CAMTA1: variants seen among roughly 807,000 people sequenced by gnomAD.
The protein encoded by CAMTA1 is calmodulin binding transcription activator 1.
In CAMTA1, 27 loss-of-function variants were observed where a neutral mutation model predicts 170.9. That is an observed-to-expected ratio of 0.16 (90% confidence interval 0.12 to 0.22). The LOEUF (loss-of-function observed/expected upper bound fraction) is 0.22, where lower values mean the gene tolerates loss of function less well. Among genes scored for constraint, CAMTA1 ranks in the 10% least tolerant of loss-of-function variants. The pLI, the probability that CAMTA1 is intolerant of heterozygous loss-of-function variation, is 1.00. For synonymous variants in CAMTA1, 833 were observed against 891.5 expected, an observed-to-expected ratio of 0.93 and a Z score of 1.17; for missense variants, 1,619 against 2,217.2, an observed-to-expected ratio of 0.73 and a Z score of 5.42.
At chr1:7,654,249 C>T (rs531489753) in intron 7 of CAMTA1, among the ~76,000 whole-genome samples, 24 of 152,040 alleles carry the variant, frequency 1.6e-4, no homozygotes, top group African/African-American at 5.3e-4. Flanking sequence ...GGCGTGGTGG[C>T]GCACACCTGT....
At chr1:7,581,120 G>T (rs1187991296) in intron 6 of CAMTA1, among the ~76,000 whole-genome samples, 1 of 152,182 alleles carries the variant, frequency 6.6e-6, no homozygotes, top group African/African-American at 2.4e-5. Flanking sequence ...TCCCACATCT[G>T]CTGGGCACCG....
At chr1:6,902,076 A>AAAAAG (rs1677142087) in intron 3 of CAMTA1, among the ~76,000 whole-genome samples, 1 of 78,198 alleles carries the variant, frequency 1.3e-5, no homozygotes, top group African/African-American at 3.9e-5. Flanking sequence ...CACACACAAA[A>AAAAAG]AAAAAAATAA....
At chr1:7,506,913 CAA>C (rs2094124091) in intron 6 of CAMTA1, among the ~76,000 whole-genome samples, 1 of 152,106 alleles carries the variant, frequency 6.6e-6, no homozygotes, top group East Asian at 1.9e-4. Flanking sequence ...TGCTCACACT[CAA>C]AATTCACTCA....
chr1:7,432,301 C>G (rs961516937), intron 5 of CAMTA1, among the ~76,000 whole-genome samples: 2 of 152,202 alleles, frequency 1.3e-5, no homozygotes, highest in Non-Finnish European at 2.9e-5. Flanking sequence ...AGTGACCTCC[C>G]CAAGGTCACA....
rs562834313 is a variant in CAMTA1, at chr1:7,300,135, G to T, written c.438+50509G>T. On this transcript the variant is annotated intron_variant, in intron 5 of 22. Transcript: ENST00000303635. The surrounding 1 kb of genome is among the most constrained non-coding windows in gnomAD (Gnocchi z 4.1). ...GCATTCTTAAAAAAAAATTCCCTTC[G>T]CAATAAAGCACCAGATTGAATGTCC... Among the ~76,000 whole-genome samples the T allele has an allele frequency of 6.6e-6, 1 of 152,060 alleles. No homozygotes were observed. The highest frequency in any genetic ancestry group is 1.5e-5 in the Non-Finnish European group (1 of 67,998).
chr1:7,363,792 G>T (rs1444409199), intron 5 of CAMTA1, among the ~76,000 whole-genome samples: 1 of 152,190 alleles, frequency 6.6e-6, no homozygotes, highest in African/African-American at 2.4e-5. Context: ...TGGTTAGCTG[G>T]CCAGGTGAGG....
rs79316018 is a variant in CAMTA1 at position 7,475,865 on chromosome 1, C to T, written c.510+7964C>T. On this transcript the variant is annotated intron_variant, in intron 6 of 22. Coordinates refer to ENST00000303635, the MANE Select transcript of CAMTA1 (RefSeq NM_015215.4). ...CCCTGGTCCAGGCCCTTTAAACAGA[C>T]GTGGTCCCTGTCCTGGGGGAGCCCA... Among the ~76,000 whole-genome samples the T allele has an allele frequency of 1.4e-4, 21 of 152,336 alleles. No individual in the cohort carries two copies. The East Asian group carries it at 3.1e-3, about 22-fold the overall frequency.
At position 7,680,842 on chromosome 1, in the gene CAMTA1, A is replaced by G. The variant is rs868347944; in HGVS notation, c.2914+3109A>G. Among the ~76,000 whole-genome samples the G allele has an allele frequency of 3.5e-4, 49 of 141,134 alleles. No individual in the cohort carries two copies. Among genetic ancestry groups the G allele is most frequent in the Non-Finnish European group, 4.7e-4 (30 of 63,770 alleles). The allele number at this position is 141,134 out of a possible 152,430, so 92.6% of individuals were successfully genotyped here. Reference sequence around the variant, plus strand: ...GGCGTGGGTCCGGGGCGCAGAGAACACGCGCGCGCGCGCGCGCGCCAGCAG... The same window carrying G: ...GGCGTGGGTCCGGGGCGCAGAGAACGCGCGCGCGCGCGCGCGCGCCAGCAG... On this transcript the variant is annotated intron_variant, in intron 11 of 22. Transcript: ENST00000303635. The surrounding 1 kb of genome is among the most constrained non-coding windows in gnomAD (Gnocchi z 4.4).
intron 4 of CAMTA1, among the ~76,000 whole-genome samples, chr1:7,211,567 T>G (rs1658761632): frequency 1.3e-5 from 2 of 152,230 alleles, no homozygotes; most frequent in African/African-American, 4.8e-5. Context: ...TCCGTGTTGT[T>G]GTTATCAGTG....
intron 3 of CAMTA1, among the ~76,000 whole-genome samples, chr1:7,028,710 C>T (rs1702351950): frequency 6.6e-6 from 1 of 152,186 alleles, no homozygotes; most frequent in Admixed American, 6.5e-5. Context: ...TTTCTGACCC[C>T]ACAGCCCTGC....
Position 7,737,295 on chromosome 1 carries a change from T to C in CAMTA1, c.3383T>C (p.Val1128Ala). The change falls in exon 15 of 23, where the codon GTG becomes GCG. Residue 1128 changes from valine (V) to alanine (A), a missense_variant. Val to Ala is a moderately conservative substitution (Grantham distance 64, BLOSUM62 0). Transcript: ENST00000303635. ...CALGHLEAAV[V>A]LYKWDRRAIS... ...CTAGGGCACTTGGAAGCTGCCGTCG[T>C]GCTGTACAAGTGGGACCGTCGGGCC... 1 of 1,614,152 alleles carries C rather than the reference T, an allele frequency of 6.2e-7. No individual in the cohort carries two copies. The highest frequency in any genetic ancestry group is 8.5e-7 in the Non-Finnish European group (1 of 1,180,006).
chr1:7,636,446 G>A (rs1012954813), intron 6 of CAMTA1, among the ~76,000 whole-genome samples: 1 of 152,196 alleles, frequency 6.6e-6, no homozygotes, highest in Non-Finnish European at 1.5e-5. Context: ...GCCGGGTGCA[G>A]TGGCTCACGC....
chr1:7,510,916 C>T (rs912405141), intron 6 of CAMTA1, among the ~76,000 whole-genome samples: 1 of 144,892 alleles, frequency 6.9e-6, no homozygotes, highest in Non-Finnish European at 1.5e-5. Context: ...TGACCCTGCC[C>T]CATCTGCCTG....
At chr1:7,581,970 A>T (rs551602802) in intron 6 of CAMTA1, among the ~76,000 whole-genome samples, 9,111 of 152,192 alleles carry the variant, frequency 0.06, 791 homozygotes, top group African/African-American at 0.2. Flanking sequence ...GTGTGATGAT[A>T]TTCGTGTGCC....
rs60700990 is a variant in CAMTA1 at position 7,438,282 on chromosome 1, C to T, written c.439-29548C>T. Among the ~76,000 whole-genome samples, 1,417 of 152,132 alleles carry T rather than the reference C, an allele frequency of 9.3e-3. 21 individuals are homozygous for T. The highest frequency in any genetic ancestry group is 0.032 in the African/African-American group (1,307 of 41,490). ...ACGCACTGTCCGAGCGGCAGGTTTGCGGGGGTGGAGCATGGTGGAGAAGGA... is the reference window on the plus strand; with the variant it reads ...ACGCACTGTCCGAGCGGCAGGTTTGTGGGGGTGGAGCATGGTGGAGAAGGA... On this transcript the variant is annotated intron_variant, in intron 5 of 22. Transcript: ENST00000303635.
In CAMTA1 at chr1:7,738,449, T is replaced by G. The variant is rs764079512; in HGVS notation, c.4149T>G (p.Asn1383Lys). 6.2e-7 allele frequency: 1 copy of G among 1,613,890 alleles called. No homozygotes were observed. The highest frequency in any genetic ancestry group is 1.1e-5 in the South Asian group (1 of 91,072). The change falls in exon 16 of 23, where the codon AAT (asparagine) becomes AAG (lysine). Residue 1383 changes from asparagine to lysine, a missense_variant. Asn to Lys is a moderately conservative substitution (Grantham distance 94, BLOSUM62 0). Around this residue, in one of 8 missense-constraint regions of CAMTA1, gnomAD observed 370 missense variants for 429.4 expected, o/e 0.86. Coordinates refer to ENST00000303635, the MANE Select transcript of CAMTA1 (RefSeq NM_015215.4). The surrounding 1 kb of genome is among the most constrained non-coding windows in gnomAD (Gnocchi z 4.9). ...ELGSYRDSAE[N>K]EECGQPMDDI... ...GGTCCTACCGTGATAGTGCAGAAAA[T>G]GAAGAATGCGGCCAGCCCATGGATG...
At chr1:7,479,329 G>C (rs958774128) in intron 6 of CAMTA1, among the ~76,000 whole-genome samples, 4 of 152,188 alleles carry the variant, frequency 2.6e-5, no homozygotes, top group Admixed American at 6.5e-5. Flanking sequence ...GTACACAGGC[G>C]TCACTGCGCC....
chr1:7,383,539 A>C (rs2087587283), intron 5 of CAMTA1, among the ~76,000 whole-genome samples: 1 of 152,184 alleles, frequency 6.6e-6, no homozygotes, highest in Admixed American at 6.5e-5. Flanking sequence ...TCTACTTCAT[A>C]GGGTTGTTGA....
chr1:6,911,375 A>AG (rs1218967901), intron 3 of CAMTA1, among the ~76,000 whole-genome samples: 3 of 152,196 alleles, frequency 2.0e-5, no homozygotes, highest in Non-Finnish European at 2.9e-5. Context: ...GATGAGGAGA[A>AG]GGGGCTGAGC....
Sources: allele counts gnomAD v4.1 joint callset (sites outside exome capture counted in the v4.1 genomes callset), GRCh38; gene constraint gnomAD v4.1.1; regional missense constraint gnomAD v4.1.1; non-coding constraint Gnocchi (gnomAD v3.1); transcripts MANE v1.5; gene names NCBI Gene and HGNC (gene_info 2026-07-23, HGNC 2026-07-21).